Variants in SCTR observed in about 807,000 individuals in gnomAD.
SCTR encodes secretin receptor, also known as pancreatic secretin receptor.
In SCTR, 56 loss-of-function variants were observed where a neutral mutation model predicts 60.8. That is an observed-to-expected ratio of 0.92 (90% CI 0.74 to 1.15). SCTR has a LOEUF of 1.15. SCTR is among the 50% of genes most tolerant of loss of function. The pLI, the probability that SCTR is intolerant of heterozygous loss-of-function variation, is 0.00. For synonymous variants in SCTR, 202 were observed against 217.0 expected, an observed-to-expected ratio of 0.93 and a Z score of 0.61; for missense variants, 562 against 550.4, an observed-to-expected ratio of 1.02 and a Z score of -0.21.
intron 7 of SCTR, among the ~76,000 whole-genome samples, chr2:119,453,969 T>C (rs1683272104): frequency 6.6e-6 from 1 of 152,180 alleles, no homozygotes; most frequent in Non-Finnish European, 1.5e-5. Flanking sequence ...ACTGAACTTA[T>C]ACATTTATCC....
At position 119,444,268 on chromosome 2, in the gene SCTR, CAT is replaced by C. The variant is rs1283673332; in HGVS notation, c.1140+2489_1140+2490del. ...ATACACATATACATATGAATATATACATATATACATATGAATATATACACATA... is the reference window on the plus strand; with the variant it reads ...ATACACATATACATATGAATATATACATATACATATGAATATATACACATA... On this transcript the variant is annotated intron_variant, in intron 11 of 12. Coordinates refer to ENST00000019103, the MANE Select transcript of SCTR (RefSeq NM_002980.3). 3.6e-4 allele frequency among the ~76,000 whole-genome samples: 30 copies of C among 82,890 alleles called. 2 individuals are homozygous for C. Among genetic ancestry groups the C allele is most frequent in the African/African-American group, 1.1e-3 (28 of 24,764 alleles). 54.4% of individuals were successfully genotyped at this position (82,890 alleles called of 152,430 possible).
chr2:119,511,044 A>C (rs192861371), intron 1 of SCTR, among the ~76,000 whole-genome samples: 128 of 152,036 alleles, frequency 8.4e-4, no homozygotes, highest in African/African-American at 3.0e-3. Context: ...AAAAATACAA[A>C]AAAAAAAAAT....
chr2:119,488,034 C>G (rs2104881614), intron 2 of SCTR, among the ~76,000 whole-genome samples: 1 of 152,338 alleles, frequency 6.6e-6, no homozygotes, highest in Non-Finnish European at 1.5e-5. Context: ...CACACCCGCT[C>G]CACACTCCCA....
At chr2:119,468,130 T>C (rs1005954511) in intron 4 of SCTR, among the ~76,000 whole-genome samples, 2 of 152,234 alleles carry the variant, frequency 1.3e-5, no homozygotes, top group African/African-American at 4.8e-5. Flanking sequence ...GTTAACTTTG[T>C]ATTATAGGCT....
intron 1 of SCTR, among the ~76,000 whole-genome samples, chr2:119,503,397 C>T (rs547077662): frequency 1.9e-3 from 295 of 151,962 alleles, no homozygotes; most frequent in Admixed American, 3.3e-3. Flanking sequence ...GAGATCCCAT[C>T]GCTTAAAAAA....
chr2:119,487,766 T>C (rs1244229759), intron 2 of SCTR, among the ~76,000 whole-genome samples: 1 of 152,212 alleles, frequency 6.6e-6, no homozygotes, highest in African/African-American at 2.4e-5. Flanking sequence ...GTTAATTTTT[T>C]ATTTGTGATA....
chr2:119,518,951 G>A (rs957356173), intron 1 of SCTR, among the ~76,000 whole-genome samples: 1 of 152,152 alleles, frequency 6.6e-6, no homozygotes, highest in East Asian at 1.9e-4. Context: ...AAAGGGTGAC[G>A]ATGCCAAAGC....
intron 7 of SCTR, among the ~76,000 whole-genome samples, chr2:119,454,082 G>A (rs75601331): frequency 0.018 from 2,794 of 152,242 alleles, 74 homozygotes; most frequent in African/African-American, 0.064. Context: ...GAGGAGAGAC[G>A]GCAACACGCT....
chr2:119,458,372 C>T (rs1573817307), intron 7 of SCTR, among the ~76,000 whole-genome samples: 1 of 150,746 alleles, frequency 6.6e-6, no homozygotes, highest in African/African-American at 2.4e-5. Context: ...GAGGCCGAGT[C>T]AGGTGGATCA....
At chr2:119,477,882 AG>A (rs1326747091) in intron 3 of SCTR, among the ~76,000 whole-genome samples, 1 of 152,236 alleles carries the variant, frequency 6.6e-6, no homozygotes, top group Non-Finnish European at 1.5e-5. Flanking sequence ...CATTTCCCCC[AG>A]TTCCCATAGT....
At chr2:119,446,617 A>G (rs1682938053) in intron 11 of SCTR, 142 bp downstream of exon 11, 4 of 696,348 alleles carry the variant, frequency 5.7e-6, no homozygotes, top group African/African-American at 5.5e-5. Flanking sequence ...AGGGACCTGT[A>G]GCACTGTCAG....
At chr2:119,441,485 G>T in intron 12 of SCTR, 73 bp downstream of exon 12, 1 of 1,229,294 alleles carries the variant, frequency 8.1e-7, no homozygotes, top group Non-Finnish European at 1.2e-6. Flanking sequence ...ACCCCTCCCA[G>T]GTAGCTCCTT....
chr2:119,496,215 A>AGTT (rs1678338555), intron 1 of SCTR, among the ~76,000 whole-genome samples: 2 of 152,102 alleles, frequency 1.3e-5, no homozygotes, highest in South Asian at 4.2e-4. Flanking sequence ...TGGTCAGCAC[A>AGTT]CATGCTGTTC....
intron 1 of SCTR, among the ~76,000 whole-genome samples, chr2:119,522,754 C>A (rs1449043044): frequency 1.3e-5 from 2 of 152,156 alleles, no homozygotes; most frequent in Non-Finnish European, 2.9e-5. Context: ...GCTATTGCCT[C>A]TCCCACCCCC....
intron 8 of SCTR, among the ~76,000 whole-genome samples, chr2:119,452,508 G>A (rs972141604): frequency 6.6e-5 from 10 of 152,196 alleles, no homozygotes; most frequent in Admixed American, 1.3e-4. Flanking sequence ...GTCCAAGACA[G>A]CCGCAGCTCT....
chr2:119,483,890 C>A (rs370232612), intron 2 of SCTR, among the ~76,000 whole-genome samples: 1 of 151,984 alleles, frequency 6.6e-6, no homozygotes, highest in South Asian at 2.1e-4. Flanking sequence ...CTGCCTTGCA[C>A]GGTCCCCAGG....
At chr2:119,458,860 G>A (rs182895221) in intron 7 of SCTR, among the ~76,000 whole-genome samples, 178 of 152,312 alleles carry the variant, frequency 1.2e-3, no homozygotes, top group African/African-American at 3.9e-3. Flanking sequence ...AGTGCAGCAA[G>A]CTGGGTTTGG....
At chr2:119,475,499 G>T (rs1677234026) in intron 3 of SCTR, among the ~76,000 whole-genome samples, 1 of 151,888 alleles carries the variant, frequency 6.6e-6, no homozygotes, top group African/African-American at 2.4e-5. Flanking sequence ...CTGCAAAGCA[G>T]CTGCCTCCCC....
At chr2:119,441,881 G>A (rs1019308478) in intron 11 of SCTR, among the ~76,000 whole-genome samples, 1 of 152,290 alleles carries the variant, frequency 6.6e-6, no homozygotes, top group East Asian at 1.9e-4. Context: ...AGCCAGCCGG[G>A]ATCAGGAAGC....
Sources: allele counts gnomAD v4.1 joint callset (sites outside exome capture counted in the v4.1 genomes callset), GRCh38; gene constraint gnomAD v4.1.1; transcripts MANE v1.5; gene names NCBI Gene and HGNC (gene_info 2026-07-23, HGNC 2026-07-21).